KANK3: variants seen among roughly 807,000 people sequenced by gnomAD.
KANK3 encodes KN motif and ankyrin repeat domain-containing protein 3.
KANK3 carries 61 observed loss-of-function variants against 65.4 expected under a neutral mutation model. The observed-to-expected ratio is 0.93, with a 90% CI of 0.76 to 1.15. KANK3 has a LOEUF of 1.15. KANK3 is among the 50% of genes most tolerant of loss of function. The pLI, the probability that KANK3 is intolerant of heterozygous loss-of-function variation, is 0.00. For missense variants in KANK3, 1,187 were observed against 1,178.8 expected (o/e 1.01, Z -0.10); for synonymous variants, 586 against 543.3 (o/e 1.08, Z -1.09).
At chr19:8,338,891 AAAAAAAAAG>A (rs1970685626) in intron 1 of KANK3, among the ~76,000 whole-genome samples, 1 of 150,014 alleles carries the variant, frequency 6.7e-6, no homozygotes, top group Admixed American at 6.7e-5. Flanking sequence ...AAAAAAAAAA[AAAAAAAAAG>A]GATGTAATTG....
In KANK3 at chr19:8,334,508, G is replaced by T; in HGVS notation, c.1319C>A (p.Ala440Glu). 6.2e-7 allele frequency: 1 copy of T among 1,604,544 alleles called. No individual in the cohort carries two copies. The highest frequency in any genetic ancestry group is 8.5e-7 in the Non-Finnish European group (1 of 1,179,458). The change falls in exon 3 of 11, where the codon GCG becomes GAG. Residue 440 changes from alanine to glutamate, a missense_variant. This residue lies in a region of KANK3 where 1,078 missense variants were observed against 1,038.2 expected (regional missense o/e 1.04). Coordinates refer to ENST00000330915, the MANE Select transcript of KANK3 (RefSeq NM_198471.3). ...ACGGGGTCGGGACTCACCCGCGGGC[G>T]CCACGGCCCTGTCTCCGTCCATGGA... is the stretch of plus-strand genomic sequence containing the variant. ...PGSMDGDRAV[A>E]PAGILKSIMK...
At chr19:8,327,632 G>A (rs575231243) in intron 7 of KANK3, among the ~76,000 whole-genome samples, 8 of 151,798 alleles carry the variant, frequency 5.3e-5, no homozygotes, top group South Asian at 4.2e-4. Context: ...TCTGCTCCCC[G>A]CCAAAAAAAA....
At chr19:8,337,448 G>A (rs566137314) in intron 2 of KANK3, among the ~76,000 whole-genome samples, 2 of 151,952 alleles carry the variant, frequency 1.3e-5, no homozygotes, top group Non-Finnish European at 1.5e-5. Flanking sequence ...TGATCTGCCC[G>A]CCTCGGCCTC....
rs1333074374 is a variant in KANK3 at position 8,332,830 on chromosome 19, ATAAAATAAAATAAAATAAAATAATAAAAT to A, written c.1936+155_1936+183del. On this transcript the variant is annotated intron_variant, in intron 7 of 10. Coordinates refer to ENST00000330915, the MANE Select transcript of KANK3 (RefSeq NM_198471.3). Reference sequence around the variant, plus strand: ...AACTCCGTCTCAAAAATAAAATAAAATAAAATAAAATAAAATAAAATAATAAAATTAAAATAAAATAAAATAAACTCAAG... The same window carrying A: ...AACTCCGTCTCAAAAATAAAATAAAATAAAATAAAATAAAATAAACTCAAG... The A allele has an allele frequency of 2.1e-4, 67 of 313,842 alleles. 5 individuals carry two copies. Among genetic ancestry groups the A allele is most frequent in the African/African-American group, 6.5e-4 (30 of 46,002 alleles). The allele number at this position is 313,842 out of a possible 1,614,324, so 19.4% of individuals were successfully genotyped here. A position where few individuals can be genotyped will look rare whatever the true frequency, so the allele number is the denominator to read the frequency against.
chr19:8,333,218 G>A lies in KANK3; in HGVS notation c.1732C>T (p.Leu578Phe), dbSNP rs930406260. Residue 578 changes from leucine (L) to phenylalanine (F), a missense_variant, in exon 7 of 11, where the codon CTC becomes TTC. Physicochemically the swap from Leu to Phe is conservative, Grantham distance 22. Coordinates refer to ENST00000330915, the MANE Select transcript of KANK3 (RefSeq NM_198471.3). This position sits in a 1 kb window ranked among gnomAD's most constrained non-coding sequence, Gnocchi z 5.0. Reference sequence around the variant, plus strand: ...ACTCGAAACCACTCCTGGGCCACGAGGCGCACTGCGCCCTGCAAGGGACAG... The same window carrying A: ...ACTCGAAACCACTCCTGGGCCACGAAGCGCACTGCGCCCTGCAAGGGACAG... ...GVASDGGAVR[L>F]VAQEWFRVSS... is the part of the protein sequence containing the mutation. 5 of 1,610,870 alleles carry A rather than the reference G, an allele frequency of 3.1e-6. No individual in the cohort carries two copies. In the African/African-American group the frequency reaches 4.0e-5, roughly 13 times the overall value.
At chr19:8,340,504 G>C (rs945544393) in intron 1 of KANK3, among the ~76,000 whole-genome samples, 1 of 151,896 alleles carries the variant, frequency 6.6e-6, no homozygotes, top group African/African-American at 2.4e-5. Flanking sequence ...CCCTTTACCT[G>C]TCCAGTCCTC....
Position 8,333,677 on chromosome 19 carries a change from G to A in KANK3, c.1719+47C>T. 7.2e-7 allele frequency: 1 copy of A among 1,395,976 alleles called. No individual in the cohort carries two copies. The highest frequency in any genetic ancestry group is 9.4e-7 in the Non-Finnish European group (1 of 1,065,572). 86.5% of individuals were successfully genotyped at this position (1,395,976 alleles called of 1,614,324 possible). ...CCCTAAGTGGGCGTCAGAGGTCCTT[G>A]GAGGCTCCCACGCCACTCCCTGGTG... is the stretch of plus-strand genomic sequence containing the variant. On this transcript the variant is annotated intron_variant, in intron 6 of 10. Coordinates refer to ENST00000330915, the MANE Select transcript of KANK3 (RefSeq NM_198471.3). The surrounding 1 kb of genome is among the most constrained non-coding windows in gnomAD (Gnocchi z 5.0).
rs903772237 is a variant in KANK3 at position 8,333,681 on chromosome 19, G to T, written c.1719+43C>A. 5.7e-6 allele frequency: 8 copies of T among 1,402,214 alleles called. No homozygotes were observed. The highest frequency in any genetic ancestry group is 7.5e-6 in the Non-Finnish European group (8 of 1,071,232). The allele number at this position is 1,402,214 out of a possible 1,614,324, so 86.9% of individuals were successfully genotyped here. A position where few individuals can be genotyped will look rare whatever the true frequency, so the allele number is the denominator to read the frequency against. ...AAGTGGGCGTCAGAGGTCCTTGGAG[G>T]CTCCCACGCCACTCCCTGGTGCTGC... On this transcript the variant is annotated intron_variant, in intron 6 of 10. Coordinates refer to ENST00000330915, the MANE Select transcript of KANK3 (RefSeq NM_198471.3). This position sits in a 1 kb window ranked among gnomAD's most constrained non-coding sequence, Gnocchi z 5.0.
rs764556097 is a variant in KANK3, at chr19:8,324,775, G to C, written c.2138C>G (p.Ala713Gly). The C allele has an allele frequency of 6.2e-7, 1 of 1,613,990 alleles. No individual in the cohort carries two copies. The highest frequency in any genetic ancestry group is 1.1e-5 in the South Asian group (1 of 91,088). ...ATCAGCCCCACACGCCAGTAGGGTT[G>C]CCACCATGTCCTGTCGGCCATGGCT... ...AISHGRQDMVATLLACGADVN... is the reference protein window; with the variant it reads ...AISHGRQDMVGTLLACGADVN... Residue 713 changes from alanine to glycine, a missense_variant, in exon 9 of 11, where the codon GCA (alanine) becomes GGA (glycine). By Grantham distance (60) the Ala-to-Gly change is moderately conservative. Coordinates refer to ENST00000330915, the MANE Select transcript of KANK3 (RefSeq NM_198471.3).
Position 8,333,287 on chromosome 19 carries a change from G to A in KANK3, c.1720-57C>T, listed in dbSNP as rs1469820578. ...CGATGGTCCACGGCGGCGCCGTGGT[G>A]GGGGAGCTGGGGAGGGGCGGGACTG... On this transcript the variant is annotated intron_variant, in intron 6 of 10. Coordinates refer to ENST00000330915, the MANE Select transcript of KANK3 (RefSeq NM_198471.3). This position sits in a 1 kb window ranked among gnomAD's most constrained non-coding sequence, Gnocchi z 5.0. 1 of 1,407,308 alleles carries A rather than the reference G, an allele frequency of 7.1e-7. No homozygotes were observed. The allele number at this position is 1,407,308 out of a possible 1,614,324, so 87.2% of individuals were successfully genotyped here. A position where few individuals can be genotyped will look rare whatever the true frequency, so the allele number is the denominator to read the frequency against.
intron 7 of KANK3, among the ~76,000 whole-genome samples, chr19:8,330,880 G>A (rs565238350): frequency 6.6e-6 from 1 of 151,236 alleles, no homozygotes; most frequent in South Asian, 2.1e-4. Flanking sequence ...GTCCAGCCTG[G>A]GCAACAGAGC....
chr19:8,327,916 C>T (rs1344338830), intron 7 of KANK3, among the ~76,000 whole-genome samples: 1 of 152,158 alleles, frequency 6.6e-6, no homozygotes, highest in Non-Finnish European at 1.5e-5. Flanking sequence ...TGCAGGCTAG[C>T]CAAGGACCCA....
At chr19:8,328,527 T>C (rs1400663416) in intron 7 of KANK3, among the ~76,000 whole-genome samples, 1 of 149,970 alleles carries the variant, frequency 6.7e-6, no homozygotes, top group Non-Finnish European at 1.5e-5. Context: ...GCAGGTAGGG[T>C]CGGGTGAGAG....
chr19:8,334,872 C>A lies in KANK3; in HGVS notation c.955G>T (p.Val319Leu). 6.9e-7 allele frequency: 1 copy of A among 1,457,752 alleles called. No homozygotes were observed. The allele number at this position is 1,457,752 out of a possible 1,614,324, so 90.3% of individuals were successfully genotyped here. The change falls in exon 3 of 11, where the codon GTG (valine) becomes TTG (leucine). Residue 319 changes from valine to leucine, a missense_variant. By Grantham distance (32) the Val-to-Leu change is conservative (BLOSUM62 1). Transcript: ENST00000330915. ...PETREAGAQA[V>L]PETREAGVEA... ...ACGCCGGCCTCCCGGGTCTCCGGCA[C>A]GGCCTGGGCACCCGCTTCTCGGGTC...
intron 10 of KANK3, 25 bp downstream of exon 10, chr19:8,324,424 T>G: frequency 3.2e-6 from 5 of 1,560,548 alleles, no homozygotes; most frequent in Non-Finnish European, 4.3e-6. Context: ...CTGGGAAAGT[T>G]TGTTTCTTCC....
At chr19:8,323,890 A>G (rs577143191) in intron 10 of KANK3, among the ~76,000 whole-genome samples, 1 of 152,176 alleles carries the variant, frequency 6.6e-6, no homozygotes, top group Non-Finnish European at 1.5e-5. Flanking sequence ...TGTGTTCTGC[A>G]AACTCACCCA....
intron 7 of KANK3, among the ~76,000 whole-genome samples, chr19:8,326,689 C>A (rs1416233826): frequency 1.3e-5 from 2 of 149,390 alleles, no homozygotes; most frequent in African/African-American, 5.0e-5. Flanking sequence ...CCCAGCTACT[C>A]AGGAGGCTGA....
intron 7 of KANK3, among the ~76,000 whole-genome samples, chr19:8,329,205 G>A (rs184137622): frequency 1.0e-4 from 15 of 149,296 alleles, no homozygotes; most frequent in Admixed American, 1.3e-4. Context: ...GACAAGTGCC[G>A]GCTGGGTGCG....
At position 8,334,904 on chromosome 19, in the gene KANK3, A is replaced by G; in HGVS notation, c.923T>C (p.Val308Ala). The change falls in exon 3 of 11, where the codon GTG (valine) becomes GCG (alanine). Residue 308 changes from valine (V) to alanine (A), a missense_variant. By Grantham distance (64) the Val-to-Ala change is moderately conservative. Coordinates refer to ENST00000330915, the MANE Select transcript of KANK3 (RefSeq NM_198471.3). ...PQTREVAAEA[V>A]PETREAGAQA... ...GGCACCCGCTTCTCGGGTCTCGGGCACGGCCTCGGCGGCCACCTCCCGGGT... is the reference window on the plus strand; with the variant it reads ...GGCACCCGCTTCTCGGGTCTCGGGCGCGGCCTCGGCGGCCACCTCCCGGGT... 1 of 1,459,184 alleles carries G rather than the reference A, an allele frequency of 6.9e-7. No individual in the cohort carries two copies. Among genetic ancestry groups the G allele is most frequent in the Non-Finnish European group, 9.0e-7 (1 of 1,115,406 alleles). The allele number at this position is 1,459,184 out of a possible 1,614,324, so 90.4% of individuals were successfully genotyped here.
Sources: allele counts gnomAD v4.1 joint callset (sites outside exome capture counted in the v4.1 genomes callset), GRCh38; gene constraint gnomAD v4.1.1; regional missense constraint gnomAD v4.1.1; non-coding constraint Gnocchi (gnomAD v3.1); transcripts MANE v1.5; gene names NCBI Gene and HGNC (gene_info 2026-07-23, HGNC 2026-07-21).